PCDH15: variants seen among roughly 807,000 people sequenced by gnomAD.
The protein encoded by PCDH15 is protocadherin related 15, also known as protocadherin-15.
PCDH15 carries 129 observed loss-of-function variants against 178.5 expected under a neutral mutation model. The observed-to-expected ratio is 0.72, with a 90% CI of 0.63 to 0.84. The LOEUF is 0.84. Ranked by LOEUF, PCDH15 falls within the 40% of genes least tolerant of loss-of-function variation. The pLI, the probability that PCDH15 is intolerant of heterozygous loss-of-function variation, is 0.00. For synonymous variants in PCDH15, 800 were observed against 732.0 expected, an observed-to-expected ratio of 1.09 and a Z score of -1.50; for missense variants, 2,230 against 2,099.9, an observed-to-expected ratio of 1.06 and a Z score of -1.21.
intron 5 of PCDH15, among the ~76,000 whole-genome samples, chr10:54,347,858 T>C (rs2134197889): frequency 6.6e-6 from 1 of 152,208 alleles, no homozygotes. Context: ...TATTTATTTA[T>C]TTATTTTTGA....
intron 1 of PCDH15, among the ~76,000 whole-genome samples, chr10:55,235,199 T>C (rs2132203854): frequency 6.6e-6 from 1 of 152,228 alleles, no homozygotes; most frequent in South Asian, 2.1e-4. Context: ...ATTTTATACA[T>C]GGGTAAGTCA....
intron 2 of PCDH15, among the ~76,000 whole-genome samples, chr10:54,623,970 T>C (rs1370618811): frequency 6.6e-6 from 1 of 152,146 alleles, no homozygotes; most frequent in East Asian, 1.9e-4. Flanking sequence ...GAAATTAATT[T>C]ATCAAGATTA....
intron 37 of PCDH15, chr10:53,809,375 T>TATCA: frequency 6.2e-7 from 1 of 1,613,992 alleles, no homozygotes; most frequent in Non-Finnish European, 8.5e-7. Flanking sequence ...ATTCCTCTTT[T>TATCA]ATCAGCTAAT....
chr10:55,047,479 T>C (rs906103408), intron 2 of PCDH15, among the ~76,000 whole-genome samples: 1 of 151,856 alleles, frequency 6.6e-6, no homozygotes, highest in African/African-American at 2.4e-5. Flanking sequence ...ATTTGAGATA[T>C]TTTCTTATAA....
In PCDH15 at chr10:55,052,537, C is replaced by CAAAAAAAAAAAAAAA. The variant is rs71014444; in HGVS notation, c.-80+114024_-80+114038dup. 6.1e-4 allele frequency among the ~76,000 whole-genome samples: 24 copies of CAAAAAAAAAAAAAAA among 39,358 alleles called. 9 individuals are homozygous for CAAAAAAAAAAAAAAA. The highest frequency in any genetic ancestry group is 1.3e-3 in the African/African-American group (15 of 11,398). 25.8% of individuals were successfully genotyped at this position (39,358 alleles called of 152,430 possible). The stretch of plus-strand genomic sequence containing the variant: ...AACATGGCGAAAACCCCGTCTCATA[C>CAAAAAAAAAAAAAAA]AAAAAAAAAAAAAAAAAAAAAAAAA... On this transcript the variant is annotated intron_variant, in intron 2 of 5. Transcript: ENST00000458638.
chr10:54,663,298 C>T (rs368113385), intron 2 of PCDH15, among the ~76,000 whole-genome samples: 15 of 151,288 alleles, frequency 9.9e-5, no homozygotes, highest in East Asian at 9.7e-4. Context: ...GAATGCCAAA[C>T]AAATCTTGAA....
At chr10:54,891,881 A>C (rs192705570) in intron 3 of PCDH15, among the ~76,000 whole-genome samples, 6 of 152,218 alleles carry the variant, frequency 3.9e-5, no homozygotes, top group Admixed American at 3.9e-4. Context: ...AGTGCTGGTC[A>C]CTACTGTGCC....
intron 2 of PCDH15, chr10:54,599,732 A>G: frequency 2.1e-6 from 1 of 466,398 alleles, no homozygotes. Flanking sequence ...GAAGGGGAAA[A>G]GGAAGAAGAA....
intron 2 of PCDH15, among the ~76,000 whole-genome samples, chr10:55,164,019 T>A (rs1395491677): frequency 6.6e-6 from 1 of 152,126 alleles, no homozygotes; most frequent in Non-Finnish European, 1.5e-5. Flanking sequence ...TCTCTTGGGG[T>A]CTGGATTGGG....
At chr10:55,506,792 T>C (rs1840769111) in intron 2 of PCDH15, among the ~76,000 whole-genome samples, 2 of 151,538 alleles carry the variant, frequency 1.3e-5, no homozygotes, top group Admixed American at 6.6e-5. Flanking sequence ...TATTTCTTAG[T>C]GGTGTCTAGT....
chr10:54,867,792 C>T (rs970872683), intron 3 of PCDH15, among the ~76,000 whole-genome samples: 2 of 152,094 alleles, frequency 1.3e-5, no homozygotes, highest in Admixed American at 6.6e-5. Context: ...CCTCCAATAT[C>T]TATATACAAA....
intron 20 of PCDH15, among the ~76,000 whole-genome samples, chr10:54,011,113 C>CA (rs2092569259): frequency 6.6e-6 from 1 of 152,000 alleles, no homozygotes; most frequent in South Asian, 2.1e-4. Context: ...TGCAGCCACC[C>CA]CACTCCCTGG....
At chr10:54,891,238 T>C (rs1029651956) in intron 3 of PCDH15, among the ~76,000 whole-genome samples, 5 of 152,112 alleles carry the variant, frequency 3.3e-5, no homozygotes, top group Admixed American at 1.3e-4. Context: ...AAGATTGGAA[T>C]ATCTTTAGAG....
intron 2 of PCDH15, among the ~76,000 whole-genome samples, chr10:54,911,473 G>C (rs981856071): frequency 6.6e-6 from 1 of 152,160 alleles, no homozygotes; most frequent in Non-Finnish European, 1.5e-5. Flanking sequence ...TAATCTATAT[G>C]ATGGGTATAA....
At chr10:53,967,046 C>T (rs2134375896) in intron 21 of PCDH15, among the ~76,000 whole-genome samples, 1 of 152,176 alleles carries the variant, frequency 6.6e-6, no homozygotes, top group Middle Eastern at 3.4e-3. Flanking sequence ...TTTGTCTCCA[C>T]CCAAATTTCA....
intron 25 of PCDH15, among the ~76,000 whole-genome samples, chr10:53,918,950 T>C (rs529241576): frequency 3.9e-5 from 6 of 152,292 alleles, no homozygotes; most frequent in African/African-American, 1.2e-4. Flanking sequence ...TCCTTGTCTT[T>C]TCTAGCTTCT....
chr10:54,047,333 T>G (rs941099666), intron 18 of PCDH15, among the ~76,000 whole-genome samples: 1 of 150,884 alleles, frequency 6.6e-6, no homozygotes, highest in Non-Finnish European at 1.5e-5. Flanking sequence ...ACTATAAATT[T>G]CAATTGTTCT....
chr10:54,832,902 A>G (rs765947393), intron 3 of PCDH15, among the ~76,000 whole-genome samples: 3 of 152,176 alleles, frequency 2.0e-5, no homozygotes, highest in African/African-American at 4.8e-5. Flanking sequence ...AAGAACTTCT[A>G]GATTTTATGT....
chr10:55,550,241 A>T (rs1023884733), intron 2 of PCDH15, among the ~76,000 whole-genome samples: 3 of 152,096 alleles, frequency 2.0e-5, no homozygotes, highest in Admixed American at 6.6e-5. Flanking sequence ...TCCTTTATTC[A>T]TCTACTTTAG....
Sources: gnomAD v4.1 joint callset for allele counts (sites outside exome capture counted in the v4.1 genomes callset) on GRCh38, gnomAD v4.1.1 for gene constraint, MANE v1.5 for transcripts, NCBI Gene and HGNC (gene_info 2026-07-23, HGNC 2026-07-21) for gene names.